The following ENDOD1 variants were observed in gnomAD, a reference collection of about 807,000 sequenced individuals.
ENDOD1 encodes the protein endonuclease domain containing 1.
A neutral mutation model predicts 6.5 loss-of-function variants in ENDOD1; 9 were observed. The observed-to-expected ratio is 1.39, with a 90% CI of 0.84 to 2.43. ENDOD1 has a LOEUF of 2.43. Ranked by LOEUF, ENDOD1 falls within the 30% of genes most tolerant of loss-of-function variation. ENDOD1 has a pLI of 0.00. For missense variants in ENDOD1, 648 were observed against 635.5 expected (o/e 1.02, Z -0.21); for synonymous variants, 255 against 255.2 (o/e 1.00, Z 0.01).
rs1379801341 is a variant in ENDOD1, at chr11:95,132,383, A to G, written c.*2804A>G. On this transcript the variant is annotated 3_prime_UTR_variant, in exon 2 of 2. Transcript: ENST00000278505. Reference sequence around the variant, plus strand: ...GTATTTGGACATCAAGGTTGCAGAGATGAACAATGCATGGATTTCATCTTT... The same window carrying G: ...GTATTTGGACATCAAGGTTGCAGAGGTGAACAATGCATGGATTTCATCTTT... The G allele has an allele frequency of 6.5e-6, 1 of 152,674 alleles. No homozygotes were observed. The allele number at this position is 152,674 out of a possible 1,614,324, so 9.5% of individuals were successfully genotyped here.
rs1327209329 is a variant in ENDOD1 at position 95,089,853 on chromosome 11, G to A, written c.-75G>A. ...CCTACCCTGCTCGGCTGCGTAGTGC[G>A]CTCCCCGCCCAGCCTGCAGAGCTCG... is the stretch of plus-strand genomic sequence containing the variant. On this transcript the variant is annotated 5_prime_UTR_variant, in exon 1 of 2. Transcript: ENST00000278505. 5.6e-6 allele frequency: 7 copies of A among 1,252,206 alleles called. No individual in the cohort carries two copies. The highest frequency in any genetic ancestry group is 6.0e-6 in the Non-Finnish European group (6 of 996,644). 77.6% of individuals were successfully genotyped at this position (1,252,206 alleles called of 1,614,324 possible). A position where few individuals can be genotyped will look rare whatever the true frequency, so the allele number is the denominator to read the frequency against.
intron 1 of ENDOD1, among the ~76,000 whole-genome samples, chr11:95,101,279 C>CA (rs1311100615): frequency 3.9e-5 from 6 of 152,268 alleles, no homozygotes; most frequent in African/African-American, 1.4e-4. Flanking sequence ...CTGGATTTGG[C>CA]TCATGAGCTA....
At chr11:95,121,198 G>A (rs897416468) in intron 1 of ENDOD1, among the ~76,000 whole-genome samples, 2 of 152,082 alleles carry the variant, frequency 1.3e-5, no homozygotes, top group Non-Finnish European at 2.9e-5. Context: ...TTATTAAATT[G>A]GTGTCCTTAT....
rs679427 is a variant in ENDOD1, at chr11:95,131,128, C to G, written c.*1549C>G. On this transcript the variant is annotated 3_prime_UTR_variant, in exon 2 of 2. Transcript: ENST00000278505. ...TAGCGGAGGCACACCCAGAGTAGAA[C>G]AGCAGCCAGCAAGCTGCCATCCTGA... is the stretch of plus-strand genomic sequence containing the variant. The G allele has an allele frequency of 0.47, 71,852 of 152,094 alleles. 17,424 individuals carry two copies. The highest frequency in any genetic ancestry group is 0.77 in the East Asian group (3,989 of 5,164). 9.4% of individuals were successfully genotyped at this position (152,094 alleles called of 1,614,324 possible).
chr11:95,094,525 G>A (rs1159988288), intron 1 of ENDOD1, among the ~76,000 whole-genome samples: 1 of 152,194 alleles, frequency 6.6e-6, no homozygotes, highest in Non-Finnish European at 1.5e-5. Flanking sequence ...TGGAATGAAG[G>A]GGATATTCTG....
Position 95,090,175 on chromosome 11 carries a change from C to T in ENDOD1, c.248C>T (p.Ala83Val). 2.8e-6 allele frequency: 4 copies of T among 1,434,302 alleles called. No homozygotes were observed. The highest frequency in any genetic ancestry group is 1.5e-5 in the African/African-American group (1 of 68,014). The allele number at this position is 1,434,302 out of a possible 1,614,324, so 88.8% of individuals were successfully genotyped here. ...ATCCCCGTGTACTCCGCGTTCCGCG[C>T]CCCGCGCCCTGCGCCCGGCGGCGCC... ...DRIPVYSAFR[A>V]PRPAPGGAEQ... Residue 83 changes from alanine to valine, a missense_variant, in exon 1 of 2, where the codon GCC (alanine) becomes GTC (valine). Ala to Val is a moderately conservative substitution (Grantham distance 64). Coordinates refer to ENST00000278505, the MANE Select transcript of ENDOD1 (RefSeq NM_015036.3).
chr11:95,090,560 A>G (rs1555109789), intron 1 of ENDOD1, among the ~76,000 whole-genome samples: 2 of 152,212 alleles, frequency 1.3e-5, no homozygotes, highest in African/African-American at 2.4e-5. Flanking sequence ...AGAGCTTGAT[A>G]CAGAGACCCT....
intron 1 of ENDOD1, among the ~76,000 whole-genome samples, chr11:95,113,884 C>T (rs1406236791): frequency 2.0e-5 from 3 of 152,146 alleles, no homozygotes; most frequent in Non-Finnish European, 4.4e-5. Flanking sequence ...TACTTTCCCA[C>T]CAACAGTGTA....
chr11:95,093,032 G>A (rs1858946072), intron 1 of ENDOD1, among the ~76,000 whole-genome samples: 1 of 152,198 alleles, frequency 6.6e-6, no homozygotes, highest in African/African-American at 2.4e-5. Context: ...CCAAAGCCCA[G>A]TTCGGCAGCT....
At chr11:95,115,228 A>G (rs1263079796) in intron 1 of ENDOD1, among the ~76,000 whole-genome samples, 1 of 152,056 alleles carries the variant, frequency 6.6e-6, no homozygotes, top group African/African-American at 2.4e-5. Context: ...GTTAAATCCT[A>G]GGTATTTACT....
In ENDOD1 at chr11:95,089,936, C is replaced by T. The variant is rs1239131438; in HGVS notation, c.9C>T (p.Thr3=). The change falls in exon 1 of 2, where the codon ACC becomes ACT. Residue 3 remains threonine (T), a synonymous_variant. Transcript: ENST00000278505. ...CGCTCGCAGAGGCCGCCATGGGCACCGCGCGCTGGCTCGCGCTGGGCAGCC... is the reference window on the plus strand; with the variant it reads ...CGCTCGCAGAGGCCGCCATGGGCACTGCGCGCTGGCTCGCGCTGGGCAGCC... MG[T]ARWLALGSLF... The T allele has an allele frequency of 6.3e-6, 9 of 1,434,460 alleles. No homozygotes were observed. Among genetic ancestry groups the T allele is most frequent in the Non-Finnish European group, 8.3e-6 (9 of 1,084,952 alleles). 88.9% of individuals were successfully genotyped at this position (1,434,460 alleles called of 1,614,324 possible).
In ENDOD1 at chr11:95,129,052, A is replaced by T; in HGVS notation, c.976A>T (p.Ser326Cys). The T allele has an allele frequency of 6.2e-7, 1 of 1,613,998 alleles. No individual in the cohort carries two copies. The highest frequency in any genetic ancestry group is 8.5e-7 in the Non-Finnish European group (1 of 1,180,028). ...LPPEASEGSS[S>C]FLGKLMGFIA... is the part of the protein sequence containing the mutation. ...TCCAGAGGCATCTGAGGGAAGTAGT[A>T]GCTTTTTGGGAAAACTCATGGGCTT... Residue 326 changes from serine (S) to cysteine (C), a missense_variant, in exon 2 of 2, where the codon AGC (serine) becomes TGC (cysteine). Transcript: ENST00000278505.
chr11:95,129,537 G>T lies in ENDOD1; in HGVS notation c.1461G>T (p.Arg487=). Residue 487 remains arginine, a synonymous_variant, in exon 2 of 2, where the codon CGG becomes CGT. Transcript: ENST00000278505. ...LFQVVFSVCK[R]IGYKVTFDNS... ...AGGTGGTTTTTAGTGTCTGCAAGCG[G>T]ATTGGCTACAAGGTTACTTTTGACA... The T allele has an allele frequency of 6.2e-7, 1 of 1,614,078 alleles. No individual in the cohort carries two copies. Among genetic ancestry groups the T allele is most frequent in the African/African-American group, 1.3e-5 (1 of 75,022 alleles).
At chr11:95,093,986 T>G (rs1353813038) in intron 1 of ENDOD1, among the ~76,000 whole-genome samples, 1 of 152,156 alleles carries the variant, frequency 6.6e-6, no homozygotes, top group Non-Finnish European at 1.5e-5. Flanking sequence ...TTTAGTTTGT[T>G]GACTCCTTTC....
At chr11:95,116,861 T>C (rs907190211) in intron 1 of ENDOD1, among the ~76,000 whole-genome samples, 1 of 152,230 alleles carries the variant, frequency 6.6e-6, no homozygotes. Flanking sequence ...CTTGGCATTA[T>C]TTCAGTTTTT....
rs1235140473 is a variant in ENDOD1, at chr11:95,128,601, T to C, written c.525T>C (p.Tyr175=). ...CTCAGTCCTTCCAGGAACGGTGGTA[T>C]GTGAATCTCCACAGCCTAATGGACC... ...PMTQSFQERW[Y]VNLHSLMDRA... The change falls in exon 2 of 2, where the codon TAT becomes TAC. Residue 175 remains tyrosine, a synonymous_variant. Coordinates refer to ENST00000278505, the MANE Select transcript of ENDOD1 (RefSeq NM_015036.3). 6.2e-7 allele frequency: 1 copy of C among 1,614,216 alleles called. No homozygotes were observed. The highest frequency in any genetic ancestry group is 8.5e-7 in the Non-Finnish European group (1 of 1,180,042).
intron 1 of ENDOD1, 97 bp downstream of exon 1, chr11:95,090,324 C>A: frequency 7.5e-7 from 1 of 1,334,076 alleles, no homozygotes; most frequent in Non-Finnish European, 9.6e-7. Context: ...GGGCCGGGAA[C>A]AGCAATCCCT....
chr11:95,089,864 A>G lies in ENDOD1; in HGVS notation c.-64A>G, dbSNP rs1276356290. ...CGGCTGCGTAGTGCGCTCCCCGCCCAGCCTGCAGAGCTCGCGCCGCGGCAG... is the reference window on the plus strand; with the variant it reads ...CGGCTGCGTAGTGCGCTCCCCGCCCGGCCTGCAGAGCTCGCGCCGCGGCAG... On this transcript the variant is annotated 5_prime_UTR_variant, in exon 1 of 2. Coordinates refer to ENST00000278505, the MANE Select transcript of ENDOD1 (RefSeq NM_015036.3). 2 of 1,274,842 alleles carry G rather than the reference A, an allele frequency of 1.6e-6. No homozygotes were observed. Among genetic ancestry groups the G allele is most frequent in the Non-Finnish European group, 2.0e-6 (2 of 1,008,730 alleles). 79.0% of individuals were successfully genotyped at this position (1,274,842 alleles called of 1,614,324 possible).
chr11:95,121,065 C>T (rs1237013082), intron 1 of ENDOD1, among the ~76,000 whole-genome samples: 1 of 152,168 alleles, frequency 6.6e-6, no homozygotes, highest in African/African-American at 2.4e-5. Flanking sequence ...GGTGGTGTTG[C>T]TCATTCAAGA....
Sources: gnomAD v4.1 joint callset for allele counts (sites outside exome capture counted in the v4.1 genomes callset) on GRCh38, gnomAD v4.1.1 for gene constraint, MANE v1.5 for transcripts, NCBI Gene and HGNC (gene_info 2026-07-23, HGNC 2026-07-21) for gene names.